The following ICA1 variants were observed in gnomAD, a reference collection of about 807,000 sequenced individuals.
ICA1 encodes the protein islet cell autoantigen 1.
A neutral mutation model predicts 71.0 loss-of-function variants in ICA1; 40 were observed. That is an observed-to-expected ratio of 0.56 (90% confidence interval 0.44 to 0.73). The LOEUF is 0.73. Ranked by LOEUF, ICA1 falls within the 30% of genes least tolerant of loss-of-function variation. ICA1 has a pLI of 0.00. For missense variants in ICA1, 578 were observed against 576.5 expected (o/e 1.00, Z -0.03); for synonymous variants, 207 against 209.5 (o/e 0.99, Z 0.10).
At chr7:8,243,099 C>A (rs148116648) in intron 1 of ICA1, among the ~76,000 whole-genome samples, 5,131 of 152,200 alleles carry the variant, frequency 0.034, 157 homozygotes, top group African/African-American at 0.079. Context: ...CAAAGCCTGG[C>A]AGAGACACAA....
chr7:8,183,980 T>C (rs563111295), intron 6 of ICA1, among the ~76,000 whole-genome samples: 2 of 152,368 alleles, frequency 1.3e-5, no homozygotes, highest in Admixed American at 1.3e-4. Flanking sequence ...ATTTACTACA[T>C]AAATTTATTG....
intron 13 of ICA1, among the ~76,000 whole-genome samples, chr7:8,116,902 G>A (rs1306541725): frequency 1.3e-5 from 2 of 152,152 alleles, no homozygotes; most frequent in Non-Finnish European, 2.9e-5. Context: ...CATTACAATG[G>A]TATTTGGCTT....
intron 8 of ICA1, among the ~76,000 whole-genome samples, chr7:8,149,333 G>A (rs1159275188): frequency 3.3e-5 from 5 of 152,216 alleles, no homozygotes; most frequent in Non-Finnish European, 1.5e-5. Flanking sequence ...AAGTTTCTTT[G>A]TGGAGGAAAG....
At chr7:8,118,168 G>A (rs181914265) in intron 13 of ICA1, among the ~76,000 whole-genome samples, 2 of 152,312 alleles carry the variant, frequency 1.3e-5, no homozygotes, top group East Asian at 1.9e-4. Flanking sequence ...ACTGGTTGAA[G>A]TATTTCATTT....
intron 6 of ICA1, among the ~76,000 whole-genome samples, chr7:8,177,708 T>G (rs913143712): frequency 2.6e-5 from 4 of 152,230 alleles, no homozygotes; most frequent in Admixed American, 6.5e-5. Context: ...GGCCAGTCAC[T>G]GTAAGTAAAC....
chr7:8,169,901 A>AGTGTCTGTGTGTGTGT (rs1554305227), intron 6 of ICA1, among the ~76,000 whole-genome samples: 13 of 147,196 alleles, frequency 8.8e-5, no homozygotes, highest in Admixed American at 5.4e-4. Context: ...TTAATGCCTG[A>AGTGTCTGTGTGTGTGT]GTGTGTGTGT....
At chr7:8,161,654 T>C (rs1472815255) in intron 6 of ICA1, among the ~76,000 whole-genome samples, 2 of 152,138 alleles carry the variant, frequency 1.3e-5, no homozygotes, top group Non-Finnish European at 2.9e-5. Context: ...AACATATGCA[T>C]GCAAGAGACG....
intron 1 of ICA1, among the ~76,000 whole-genome samples, chr7:8,246,701 A>C (rs1454514197): frequency 6.6e-6 from 1 of 152,222 alleles, no homozygotes; most frequent in East Asian, 1.9e-4. Context: ...CACTTTGTTC[A>C]GGTTTTCTGT....
intron 6 of ICA1, among the ~76,000 whole-genome samples, chr7:8,209,807 G>C (rs770220256): frequency 2.6e-5 from 4 of 152,130 alleles, no homozygotes; most frequent in Non-Finnish European, 5.9e-5. Flanking sequence ...AGAGGGAGAA[G>C]GGAATTTCTG....
intron 6 of ICA1, among the ~76,000 whole-genome samples, chr7:8,204,216 T>C (rs532193177): frequency 6.6e-6 from 1 of 152,324 alleles, no homozygotes; most frequent in South Asian, 2.1e-4. Flanking sequence ...AGAAACCTTT[T>C]TTTCCAATAG....
chr7:8,249,454 C>A (rs1807374625), intron 1 of ICA1, among the ~76,000 whole-genome samples: 1 of 152,212 alleles, frequency 6.6e-6, no homozygotes, highest in Admixed American at 6.5e-5. Context: ...CATGTGCCAC[C>A]TTCAGCATTT....
chr7:8,157,695 A>ATTTTCTTTTTTTTTT (rs112428493), intron 7 of ICA1: 1 of 140,052 alleles, frequency 7.1e-6, no homozygotes, highest in African/African-American at 2.7e-5. Context: ...CCTAGTCTTA[A>ATTTTCTTTTTTTTTT]TTTTTTTTTT....
intron 13 of ICA1, among the ~76,000 whole-genome samples, chr7:8,120,753 C>A (rs189347431): frequency 0.01 from 1,574 of 152,330 alleles, 20 homozygotes; most frequent in African/African-American, 0.036. Flanking sequence ...AACTGCCCCC[C>A]GTTACTTACA....
rs1798756472 is a variant in ICA1, at chr7:8,226,895, C to A, written c.256+1706G>T. ...GGTGGTTTAGGGGGAAGTTTTTCCTCTATATTCTTTTAGAAACACTAATAT... is the reference window on the plus strand; with the variant it reads ...GGTGGTTTAGGGGGAAGTTTTTCCTATATATTCTTTTAGAAACACTAATAT... On this transcript the variant is annotated intron_variant, in intron 4 of 13. Coordinates refer to ENST00000402384, the MANE Select transcript of ICA1 (RefSeq NM_001136020.3). This position sits in a 1 kb window ranked among gnomAD's most constrained non-coding sequence, Gnocchi z 4.4. Among the ~76,000 whole-genome samples, 1 of 152,082 alleles carries A rather than the reference C, an allele frequency of 6.6e-6. No homozygotes were observed. The highest frequency in any genetic ancestry group is 1.5e-5 in the Non-Finnish European group (1 of 68,004).
chr7:8,124,979 G>C (rs1459444987), intron 13 of ICA1, among the ~76,000 whole-genome samples: 1 of 152,036 alleles, frequency 6.6e-6, no homozygotes. Context: ...AGTAGAGACA[G>C]AGTTTCACCA....
intron 12 of ICA1, among the ~76,000 whole-genome samples, chr7:8,134,933 C>T (rs969447132): frequency 1.3e-5 from 2 of 152,114 alleles, no homozygotes; most frequent in Non-Finnish European, 2.9e-5. Context: ...AAGCTTGCTA[C>T]TCCATTTCAC....
At chr7:8,238,125 C>T (rs979946000) in intron 1 of ICA1, among the ~76,000 whole-genome samples, 9 of 152,278 alleles carry the variant, frequency 5.9e-5, no homozygotes, top group African/African-American at 1.9e-4. Context: ...TAATGTATCT[C>T]TCTGAGATCC....
At chr7:8,114,256 T>A in intron 13 of ICA1, 1 of 557,334 alleles carries the variant, frequency 1.8e-6, no homozygotes, top group Non-Finnish European at 3.2e-6. Context: ...GCTCCGAGAA[T>A]AACAAGCTCT....
intron 8 of ICA1, among the ~76,000 whole-genome samples, chr7:8,147,122 C>G (rs1283452999): frequency 6.6e-6 from 1 of 152,136 alleles, no homozygotes; most frequent in African/African-American, 2.4e-5. Flanking sequence ...CTGCTCTCAG[C>G]CGGCCCTGTC....
Sources: gnomAD v4.1 joint callset for allele counts (sites outside exome capture counted in the v4.1 genomes callset) on GRCh38, gnomAD v4.1.1 for gene constraint, Gnocchi (gnomAD v3.1) non-coding constraint, MANE v1.5 for transcripts, NCBI Gene and HGNC (gene_info 2026-07-23, HGNC 2026-07-21) for gene names.